The following YBEY variants were observed in gnomAD, a reference collection of about 807,000 sequenced individuals.
YBEY encodes the protein endoribonuclease YbeY.
In YBEY, 15 loss-of-function variants were observed where a neutral mutation model predicts 13.5. The observed-to-expected ratio is 1.11, with a 90% CI of 0.75 to 1.72. The LOEUF (loss-of-function observed/expected upper bound fraction) is 1.72, where lower values mean the gene tolerates loss of function less well. Among genes scored for constraint, YBEY ranks in the 40% most tolerant of loss-of-function variants. YBEY has a pLI of 0.00. For synonymous variants in YBEY, 101 were observed against 83.1 expected (o/e 1.21, Z -1.17); for missense variants, 244 against 208.4 (o/e 1.17, Z -1.05).
the YBEY span, among the ~76,000 whole-genome samples, chr21:46,308,280 G>A: frequency 2.3e-3 from 345 of 152,168 alleles, 2 homozygotes; most frequent in African/African-American, 8.0e-3. Context: ...GGCCAACATG[G>A]AGAAACCCCG....
chr21:46,298,156 C>CA (rs1238533441), downstream of YBEY, among the ~76,000 whole-genome samples: 3 of 152,216 alleles, frequency 2.0e-5, no homozygotes, highest in Non-Finnish European at 2.9e-5. Context: ...AGCAGCACCT[C>CA]AGAGACCTGC....
downstream of YBEY, chr21:46,301,817 C>A: frequency 7.9e-7 from 1 of 1,262,184 alleles, no homozygotes; most frequent in Non-Finnish European, 9.9e-7. Flanking sequence ...TGGAATGGCC[C>A]CGTGACCAGA....
At chr21:46,295,403 G>T (rs555861625) in intron 3 of YBEY, among the ~76,000 whole-genome samples, 95 of 151,962 alleles carry the variant, frequency 6.3e-4, no homozygotes, top group Non-Finnish European at 1.1e-3. Flanking sequence ...CAAACCCCAG[G>T]GGAGTGCTAC....
At chr21:46,306,856 G>A in the YBEY span, among the ~76,000 whole-genome samples, 3 of 152,024 alleles carry the variant, frequency 2.0e-5, no homozygotes, top group Non-Finnish European at 4.4e-5. Flanking sequence ...CCAAAATGCT[G>A]GGATTACAGG....
chr21:46,301,098 A>G, downstream of YBEY: 3 of 994,926 alleles, frequency 3.0e-6, no homozygotes, highest in Non-Finnish European at 3.6e-6. Flanking sequence ...TTTTTTTTTT[A>G]TTAACTCAAA....
At chr21:46,305,446 C>T in the YBEY span, among the ~76,000 whole-genome samples, 2 of 151,466 alleles carry the variant, frequency 1.3e-5, no homozygotes, top group Non-Finnish European at 2.9e-5. Flanking sequence ...CCCCCCATCT[C>T]ATCCTCCCAA....
At chr21:46,289,019 T>G (rs56840278) in intron 2 of YBEY, among the ~76,000 whole-genome samples, 62,209 of 151,868 alleles carry the variant, frequency 0.41, 13,305 homozygotes, top group Admixed American at 0.48. Flanking sequence ...GTAACACCCT[T>G]TTTCAAAAAA....
At chr21:46,291,102 C>G (rs763325077) in intron 2 of YBEY, among the ~76,000 whole-genome samples, 1 of 147,808 alleles carries the variant, frequency 6.8e-6, no homozygotes, top group Non-Finnish European at 1.5e-5. Context: ...GAGGCTGAGA[C>G]AGGAGAATCA....
Position 46,287,615 on chromosome 21 carries a change from TAGAG to T in YBEY, c.210+497_210+500del, listed in dbSNP as rs1345653665. On this transcript the variant is annotated intron_variant, in intron 2 of 4. Coordinates refer to ENST00000397701, the MANE Select transcript of YBEY (RefSeq NM_001314025.2). ...GAAAATTTTCAAATATACACAAAAG[TAGAG>T]AGAGCAGTATATTCAGCCTCCACTG... Among the ~76,000 whole-genome samples, 7 of 152,104 alleles carry T rather than the reference TAGAG, an allele frequency of 4.6e-5. No individual in the cohort carries two copies. The South Asian group carries it at 6.2e-4, about 13-fold the overall frequency.
intron 2 of YBEY, among the ~76,000 whole-genome samples, chr21:46,288,980 C>T (rs1013200745): frequency 6.6e-6 from 1 of 152,148 alleles, no homozygotes; most frequent in Non-Finnish European, 1.5e-5. Context: ...GCCAAGACTG[C>T]ACCTCTGCAC....
chr21:46,297,245 G>GCCCTCCTC (rs1463328769), intron 4 of YBEY, among the ~76,000 whole-genome samples: 3 of 151,806 alleles, frequency 2.0e-5, no homozygotes, highest in Admixed American at 6.6e-5. Context: ...GTTGCAGTGA[G>GCCCTCCTC]CCCTCCTCCC....
At chr21:46,311,467 C>T in the YBEY span, 1 of 1,592,142 alleles carries the variant, frequency 6.3e-7, no homozygotes, top group Non-Finnish European at 8.6e-7. Context: ...TTCCTTAATA[C>T]TTCCTGACCG....
downstream of YBEY, among the ~76,000 whole-genome samples, chr21:46,298,958 G>A (rs1195572040): frequency 6.6e-6 from 1 of 151,678 alleles, no homozygotes; most frequent in Admixed American, 6.6e-5. Flanking sequence ...CTGACCTCAA[G>A]TAATCTGCCC....
rs1290844780 is a variant in YBEY, at chr21:46,291,449, A to G, written c.326A>G (p.Asn109Ser). The change falls in exon 3 of 5, where the codon AAT becomes AGT. Residue 109 changes from asparagine (N) to serine (S), a missense_variant. Transcript: ENST00000397701. ...FHQCKENEDY[N>S]DVLTVTATHG... ...CAGTGTAAAGAAAATGAAGATTACA[A>G]TGACGTCCTGACTGTAAGCGGGGAT... 21 of 1,613,926 alleles carry G rather than the reference A, an allele frequency of 1.3e-5. No individual in the cohort carries two copies. Among genetic ancestry groups the G allele is most frequent in the East Asian group, 2.2e-5 (1 of 44,880 alleles).
At chr21:46,305,435 T>TC in the YBEY span, among the ~76,000 whole-genome samples, 2 of 149,390 alleles carry the variant, frequency 1.3e-5, no homozygotes. Context: ...GCTCAAGGGA[T>TC]CCCCCCATCT....
At position 46,296,159 on chromosome 21, in the gene YBEY, C is replaced by G. The variant is rs1475667752; in HGVS notation, c.340-3C>G. 4.3e-6 allele frequency: 7 copies of G among 1,613,660 alleles called. No homozygotes were observed. Among genetic ancestry groups the G allele is most frequent in the South Asian group, 1.1e-5 (1 of 91,092 alleles). ...CTGAGCCGGTTTAAAATTATTCTGA[C>G]AGGTGACGGCCACCCACGGACTCTG... On this transcript the variant is annotated splice_region_variant and splice_polypyrimidine_tract_variant and intron_variant, in intron 3 of 4. Transcript: ENST00000397701.
chr21:46,302,613 T>A (rs372601332), downstream of YBEY: 30 of 1,520,924 alleles, frequency 2.0e-5, no homozygotes, highest in Non-Finnish European at 2.4e-5. Flanking sequence ...GAATAAAGTT[T>A]CCGTTTTTCC....
At chr21:46,296,543 C>T (rs962805386) in intron 4 of YBEY, among the ~76,000 whole-genome samples, 3 of 152,160 alleles carry the variant, frequency 2.0e-5, no homozygotes, top group East Asian at 3.9e-4. Flanking sequence ...GGCGGGAGCT[C>T]TGCGTGGAGT....
the YBEY span, among the ~76,000 whole-genome samples, chr21:46,306,247 G>A: frequency 1.5e-3 from 221 of 152,126 alleles, 2 homozygotes; most frequent in Middle Eastern, 0.01. Context: ...GGTGGCTCAC[G>A]CCTGTAATCC....
Sources: allele counts gnomAD v4.1 joint callset (sites outside exome capture counted in the v4.1 genomes callset), GRCh38; gene constraint gnomAD v4.1.1; transcripts MANE v1.5; gene names NCBI Gene and HGNC (gene_info 2026-07-23, HGNC 2026-07-21).